Variants in ADCY6 observed in about 807,000 individuals in gnomAD.
ADCY6 encodes adenylate cyclase type 6.
ADCY6 carries 59 observed loss-of-function variants against 111.6 expected under a neutral mutation model. The observed-to-expected ratio is 0.53, with a 90% confidence interval of 0.43 to 0.66. The LOEUF (loss-of-function observed/expected upper bound fraction) is 0.66, where lower values mean the gene tolerates loss of function less well. ADCY6 is among the 30% of genes least tolerant of loss of function. The pLI is 0.00. For synonymous variants in ADCY6, 576 were observed against 642.9 expected, an observed-to-expected ratio of 0.90 and a Z score of 1.57; for missense variants, 1,242 against 1,595.6, an observed-to-expected ratio of 0.78 and a Z score of 3.78.
chr12:48,774,918 T>G, intron 12 of ADCY6, 39 bp downstream of exon 12: 2 of 1,535,972 alleles, frequency 1.3e-6, no homozygotes, highest in Non-Finnish European at 1.8e-6. Flanking sequence ...TGGGAAGTGG[T>G]GAAGAGAGAA....
rs751253507 is a variant in ADCY6, at chr12:48,774,783, G to A, written c.2079-5C>T. 18 of 1,613,302 alleles carry A rather than the reference G, an allele frequency of 1.1e-5. No homozygotes were observed. The East Asian group carries it at 3.3e-4, about 30-fold the overall frequency. Reference sequence around the variant, plus strand: ...ATCCCAAGCATCAGGGTGGAGCTGGGGCAGAACAGGGCCAGAAAAATCATT... The same window carrying A: ...ATCCCAAGCATCAGGGTGGAGCTGGAGCAGAACAGGGCCAGAAAAATCATT... On this transcript the variant is annotated splice_polypyrimidine_tract_variant and splice_region_variant and intron_variant, in intron 12 of 21. Coordinates refer to ENST00000357869, the MANE Select transcript of ADCY6 (RefSeq NM_015270.5).
Position 48,778,150 on chromosome 12 carries a change from G to A in ADCY6, c.972C>T (p.Tyr324=). The change falls in exon 3 of 22, where the codon TAC becomes TAT. Residue 324 remains tyrosine (Y), a synonymous_variant. Transcript: ENST00000357869. ...GCTGCAGGTGGAGCCGGGCCTGGAT[G>A]TAACCGCGGGTCTCCTGAAAGGCCT... The part of the protein sequence containing the change: ...QRQAFQETRG[Y]IQARLHLQHE... The A allele has an allele frequency of 6.2e-7, 1 of 1,613,826 alleles. No individual in the cohort carries two copies. Among genetic ancestry groups the A allele is most frequent in the African/African-American group, 1.3e-5 (1 of 75,054 alleles).
Position 48,788,998 on chromosome 12 carries a change from C to G in ADCY6, c.-97G>C, listed in dbSNP as rs1003334169. 2.1e-5 allele frequency: 3 copies of G among 144,806 alleles called. No homozygotes were observed. The highest frequency in any genetic ancestry group is 4.6e-5 in the Non-Finnish European group (3 of 65,536). 9.0% of individuals were successfully genotyped at this position (144,806 alleles called of 1,614,324 possible). A position where few individuals can be genotyped will look rare whatever the true frequency, so the allele number is the denominator to read the frequency against. ...GCCGGCCGTCCCGCGGTCCTCCGAG[C>G]CCGCGCGTCCTGGCCGTCCCGCCCG... On this transcript the variant is annotated 5_prime_UTR_variant, in exon 1 of 22. Transcript: ENST00000357869.
rs1565647245 is a variant in ADCY6, at chr12:48,776,201, G to GCCCTGA, written c.1677+2_1677+7dup. The GCCCTGA allele has an allele frequency of 1.2e-6, 2 of 1,614,022 alleles. No homozygotes were observed. Among genetic ancestry groups the GCCCTGA allele is most frequent in the Non-Finnish European group, 1.7e-6 (2 of 1,180,012 alleles). The stretch of plus-strand genomic sequence containing the variant: ...CTCCCCTGCCCCCAGCCCTGCCCTG[G>GCCCTGA]CCCTGACCCGTTTCTGGCTGGCGCC... On this transcript the variant is annotated splice_region_variant and intron_variant, in intron 8 of 21. Coordinates refer to ENST00000357869, the MANE Select transcript of ADCY6 (RefSeq NM_015270.5). This position sits in a 1 kb window ranked among gnomAD's most constrained non-coding sequence, Gnocchi z 6.1.
chr12:48,773,910 C>G (rs1253263207), intron 15 of ADCY6, 30 bp downstream of exon 15: 1 of 1,609,760 alleles, frequency 6.2e-7, no homozygotes, highest in Admixed American at 1.7e-5. Context: ...CCAGGACAGC[C>G]CCCCCACCGC....
chr12:48,782,441 A>G lies in ADCY6; in HGVS notation c.864+130T>C. On this transcript the variant is annotated intron_variant, in intron 2 of 21. Transcript: ENST00000357869. The surrounding 1 kb of genome is among the most constrained non-coding windows in gnomAD (Gnocchi z 4.3). ...CCACCTCCTGCTCCTCCTCCCAGAT[A>G]CAGCCAGACATCCCTGCACCCAGCT... The G allele has an allele frequency of 6.9e-7, 1 of 1,441,676 alleles. No homozygotes were observed. Among genetic ancestry groups the G allele is most frequent in the Admixed American group, 2.8e-5 (1 of 36,342 alleles). The allele number at this position is 1,441,676 out of a possible 1,614,324, so 89.3% of individuals were successfully genotyped here.
At chr12:48,784,665 G>GTTGTTTTTTTTTT (rs1941942783) in intron 1 of ADCY6, among the ~76,000 whole-genome samples, 1 of 72,294 alleles carries the variant, frequency 1.4e-5, no homozygotes, top group African/African-American at 6.1e-5. Context: ...AAAATCTGGA[G>GTTGTTTTTTTTTT]TTTTTTTTTT....
intron 2 of ADCY6, among the ~76,000 whole-genome samples, chr12:48,780,874 A>G (rs1046531632): frequency 3.3e-5 from 5 of 152,224 alleles, no homozygotes; most frequent in East Asian, 1.9e-4. Flanking sequence ...CAAACGGGCT[A>G]TAAAGTTACT....
chr12:48,779,930 C>G lies in ADCY6; in HGVS notation c.865-1673G>C, dbSNP rs557210337. On this transcript the variant is annotated intron_variant, in intron 2 of 21. Coordinates refer to ENST00000357869, the MANE Select transcript of ADCY6 (RefSeq NM_015270.5). ...CCCTAGCCATTTCCAGCTCCAGCCT[C>G]TGGGATGGGCCTCCTAGCTTCCCTT... 1.2e-4 allele frequency among the ~76,000 whole-genome samples: 19 copies of G among 152,296 alleles called. No homozygotes were observed. In the East Asian group the frequency reaches 3.5e-3, roughly 28 times the overall value.
chr12:48,776,713 A>T lies in ADCY6; in HGVS notation c.1377-127T>A. ...ACCCAGATGCAGGGGACGGGAGCAC[A>T]GCCTTGGTTGGACATGAGCAGAAGG... On this transcript the variant is annotated intron_variant, in intron 6 of 21. Transcript: ENST00000357869. The surrounding 1 kb of genome is among the most constrained non-coding windows in gnomAD (Gnocchi z 6.1). 7.8e-7 allele frequency: 1 copy of T among 1,282,380 alleles called. No homozygotes were observed. Among genetic ancestry groups the T allele is most frequent in the East Asian group, 2.5e-5 (1 of 39,680 alleles). 79.4% of individuals were successfully genotyped at this position (1,282,380 alleles called of 1,614,324 possible).
At chr12:48,783,908 C>A (rs1941920606) in intron 1 of ADCY6, 1 of 160,494 alleles carries the variant, frequency 6.2e-6, no homozygotes, top group Admixed American at 5.8e-5. Flanking sequence ...GATGGTGAAA[C>A]CTCGTCTCTA....
intron 1 of ADCY6, among the ~76,000 whole-genome samples, chr12:48,788,349 T>C (rs1942019571): frequency 6.6e-6 from 1 of 152,132 alleles, no homozygotes; most frequent in Non-Finnish European, 1.5e-5. Context: ...ATTCCACCTC[T>C]AGCCTTTCAG....
At chr12:48,774,892 G>A (rs1941652722) in intron 12 of ADCY6, 65 bp downstream of exon 12, 4 of 1,524,284 alleles carry the variant, frequency 2.6e-6, no homozygotes, top group Middle Eastern at 1.7e-4. Context: ...GCTTGTGTGG[G>A]TATTTAGGAA....
chr12:48,772,276 CA>C lies in ADCY6; in HGVS notation c.2787+18del, dbSNP rs1267213040. On this transcript the variant is annotated intron_variant, in intron 18 of 21. Coordinates refer to ENST00000357869, the MANE Select transcript of ADCY6 (RefSeq NM_015270.5). Reference sequence around the variant, plus strand: ...CGCCCCTAGGTTCCTCCTCTTCCCCCAAAGGCCCACACAGTCACCTGTAGTT... The same window carrying C: ...CGCCCCTAGGTTCCTCCTCTTCCCCCAAGGCCCACACAGTCACCTGTAGTT... 1.3e-6 allele frequency: 2 copies of C among 1,599,456 alleles called. No individual in the cohort carries two copies. The highest frequency in any genetic ancestry group is 2.7e-5 in the African/African-American group (2 of 74,428).
rs1941858213 is a variant in ADCY6, at chr12:48,782,086, T to A, written c.864+485A>T. ...TGCTGACAACATCCAAAACCTGCTC[T>A]ATACCTCCAGATCACCACCTAGAGC... On this transcript the variant is annotated intron_variant, in intron 2 of 21. Coordinates refer to ENST00000357869, the MANE Select transcript of ADCY6 (RefSeq NM_015270.5). This position sits in a 1 kb window ranked among gnomAD's most constrained non-coding sequence, Gnocchi z 4.3. Among the ~76,000 whole-genome samples the A allele has an allele frequency of 6.6e-6, 1 of 152,132 alleles. No individual in the cohort carries two copies. Among genetic ancestry groups the A allele is most frequent in the Non-Finnish European group, 1.5e-5 (1 of 68,022 alleles).
chr12:48,769,589 CT>C (rs1372908998), intron 20 of ADCY6, among the ~76,000 whole-genome samples: 1,611 of 138,786 alleles, frequency 0.012, 12 homozygotes, highest in Middle Eastern at 0.015. Context: ...CCTTTCTTTT[CT>C]TTTTTTTTTT....
rs1941581637 is a variant in ADCY6, at chr12:48,772,631, A to T, written c.2622-88T>A. 5 of 1,474,318 alleles carry T rather than the reference A, an allele frequency of 3.4e-6. No homozygotes were observed. The East Asian group carries it at 1.1e-4, about 33-fold the overall frequency. The allele number at this position is 1,474,318 out of a possible 1,614,324, so 91.3% of individuals were successfully genotyped here. ...GAAGGGGAGACAAGAGACTGCATTT[A>T]CTGAGCACATACTGTAAGTCAGGCA... On this transcript the variant is annotated intron_variant, in intron 16 of 21. Transcript: ENST00000357869.
At position 48,775,055 on chromosome 12, in the gene ADCY6, C is replaced by T. The variant is rs139185798; in HGVS notation, c.1981-1G>A. The T allele has an allele frequency of 5.1e-6, 8 of 1,553,540 alleles. No homozygotes were observed. The highest frequency in any genetic ancestry group is 1.4e-5 in the African/African-American group (1 of 73,124). ...AGCGGGGATCCACCTTCCGGGAGTA[C>T]TGAGGGAGAGGAGGCTGAGCTGAGT... is the stretch of plus-strand genomic sequence containing the variant. On this transcript the variant is annotated splice_acceptor_variant, in intron 11 of 21. Coordinates refer to ENST00000357869, the MANE Select transcript of ADCY6 (RefSeq NM_015270.5). LOFTEE classifies it high-confidence loss of function.
In ADCY6 at chr12:48,766,508, G is replaced by A. The variant is rs1195051925; in HGVS notation, c.*2083C>T. On this transcript the variant is annotated 3_prime_UTR_variant, in exon 22 of 22. Transcript: ENST00000357869. ...ACTTATACCCTCACCCCTACCCCAT[G>A]GCACCAAGTAGTCTCTTCCTATCCC... is the stretch of plus-strand genomic sequence containing the variant. 3 of 152,622 alleles carry A rather than the reference G, an allele frequency of 2.0e-5. No homozygotes were observed. Among genetic ancestry groups the A allele is most frequent in the Non-Finnish European group, 4.4e-5 (3 of 68,066 alleles). 9.5% of individuals were successfully genotyped at this position (152,622 alleles called of 1,614,324 possible).
Sources: gnomAD v4.1 joint callset for allele counts (sites outside exome capture counted in the v4.1 genomes callset) on GRCh38, gnomAD v4.1.1 for gene constraint, Gnocchi (gnomAD v3.1) non-coding constraint, MANE v1.5 for transcripts, NCBI Gene and HGNC (gene_info 2026-07-23, HGNC 2026-07-21) for gene names.